CAMTA1: variants seen among roughly 807,000 people sequenced by gnomAD.
CAMTA1 encodes calmodulin-binding transcription activator 1.
Under a neutral mutation model 170.9 loss-of-function variants are expected in CAMTA1, and 27 were observed. The ratio of observed to expected loss-of-function variants is 0.16; its 90% CI spans 0.12 to 0.22. The LOEUF is 0.22. CAMTA1 is among the 10% of genes least tolerant of loss of function. The pLI, the probability that CAMTA1 is intolerant of heterozygous loss-of-function variation, is 1.00. For synonymous variants in CAMTA1, 833 were observed against 891.5 expected (o/e 0.93, Z 1.17); for missense variants, 1,619 against 2,217.2 (o/e 0.73, Z 5.42).
chr1:7,259,681 G>C (rs984478161), intron 5 of CAMTA1, among the ~76,000 whole-genome samples: 1 of 152,212 alleles, frequency 6.6e-6, no homozygotes, highest in Non-Finnish European at 1.5e-5. Flanking sequence ...TTGACTTCAA[G>C]CACCTTTAGA....
chr1:7,542,689 T>A (rs925854215), intron 6 of CAMTA1, among the ~76,000 whole-genome samples: 20 of 150,842 alleles, frequency 1.3e-4, no homozygotes, highest in African/African-American at 4.9e-4. Flanking sequence ...CCACCATACC[T>A]GGCTAATGTT....
chr1:7,687,937 A>G (rs1172327669), intron 11 of CAMTA1, among the ~76,000 whole-genome samples: 1 of 150,898 alleles, frequency 6.6e-6, no homozygotes, highest in Non-Finnish European at 1.5e-5. Flanking sequence ...GATTCACCGG[A>G]AGCCTGCCTG....
chr1:7,003,032 T>C (rs1057468956), intron 3 of CAMTA1, among the ~76,000 whole-genome samples: 1 of 152,232 alleles, frequency 6.6e-6, no homozygotes, highest in Non-Finnish European at 1.5e-5. Flanking sequence ...CTTGGCACTA[T>C]TCACATTCTG....
intron 10 of CAMTA1, among the ~76,000 whole-genome samples, chr1:7,676,617 G>C (rs1396636936): frequency 1.3e-5 from 2 of 152,202 alleles, no homozygotes; most frequent in Non-Finnish European, 1.5e-5. Flanking sequence ...TGATCCCCAC[G>C]CATGTCCTCC....
At chr1:7,230,886 G>A (rs1236153396) in intron 4 of CAMTA1, among the ~76,000 whole-genome samples, 2 of 152,108 alleles carry the variant, frequency 1.3e-5, no homozygotes, top group Non-Finnish European at 2.9e-5. Flanking sequence ...TCTTGTTGGG[G>A]GCACACAGTG....
chr1:7,154,420 A>G (rs752505487), intron 4 of CAMTA1, among the ~76,000 whole-genome samples: 24 of 152,052 alleles, frequency 1.6e-4, no homozygotes. Flanking sequence ...GTTTATCTTC[A>G]GCTCTCCAGG....
intron 3 of CAMTA1, among the ~76,000 whole-genome samples, chr1:6,949,384 G>A (rs895588009): frequency 1.3e-5 from 2 of 152,230 alleles, no homozygotes; most frequent in African/African-American, 4.8e-5. Flanking sequence ...ACATATGCAG[G>A]GGGTCCCCAT....
rs190403214 is a variant in CAMTA1 at position 7,641,116 on chromosome 1, G to A, written c.664+563G>A. Among the ~76,000 whole-genome samples the A allele has an allele frequency of 2.7e-4, 41 of 152,354 alleles. 1 individual carries two copies. The East Asian group carries it at 6.4e-3, about 24-fold the overall frequency. The stretch of plus-strand genomic sequence containing the variant: ...TGCAAATCACAGAATGCAAAACACC[G>A]AGTGAGGCAGGGAAGCTGGGGCTGC... On this transcript the variant is annotated intron_variant, in intron 7 of 22. Coordinates refer to ENST00000303635, the MANE Select transcript of CAMTA1 (RefSeq NM_015215.4). The surrounding 1 kb of genome is among the most constrained non-coding windows in gnomAD (Gnocchi z 4.5).
intron 5 of CAMTA1, among the ~76,000 whole-genome samples, chr1:7,328,463 C>G (rs2082828266): frequency 1.3e-5 from 2 of 152,084 alleles, no homozygotes; most frequent in South Asian, 4.2e-4. Flanking sequence ...TCACTGCACT[C>G]CAGCCTGGGA....
chr1:7,590,770 G>A (rs1426303104), intron 6 of CAMTA1, among the ~76,000 whole-genome samples: 1 of 152,246 alleles, frequency 6.6e-6, no homozygotes, highest in East Asian at 1.9e-4. Flanking sequence ...GGCAGTGGGT[G>A]TCAGACTCTG....
At chr1:7,045,138 A>G (rs1218049938) in intron 3 of CAMTA1, among the ~76,000 whole-genome samples, 1 of 151,976 alleles carries the variant, frequency 6.6e-6, no homozygotes, top group Admixed American at 6.6e-5. Context: ...AAATCCTCCT[A>G]AGGACCCCGA....
chr1:6,906,744 C>T (rs890257040), intron 3 of CAMTA1, among the ~76,000 whole-genome samples: 13 of 152,222 alleles, frequency 8.5e-5, no homozygotes, highest in Admixed American at 8.5e-4. Flanking sequence ...TTCCCTCCCC[C>T]TCATTTTCGA....
At chr1:7,329,779 C>G (rs1023471584) in intron 5 of CAMTA1, among the ~76,000 whole-genome samples, 2 of 152,190 alleles carry the variant, frequency 1.3e-5, no homozygotes, top group South Asian at 4.1e-4. Context: ...AATGCTAAGG[C>G]TTGCAAAACT....
At chr1:7,017,210 G>A (rs1700691138) in intron 3 of CAMTA1, among the ~76,000 whole-genome samples, 1 of 152,224 alleles carries the variant, frequency 6.6e-6, no homozygotes, top group Admixed American at 6.5e-5. Context: ...TGCCACACAT[G>A]CCTTGTGATG....
chr1:7,598,855 G>A lies in CAMTA1; in HGVS notation c.511-41545G>A, dbSNP rs567307560. The stretch of plus-strand genomic sequence containing the variant: ...TGGATATTAGCCCTTTGTCAGATGA[G>A]TAGATTGCAAAAATTTTCTCCCATT... On this transcript the variant is annotated intron_variant, in intron 6 of 22. Transcript: ENST00000303635. Among the ~76,000 whole-genome samples the A allele has an allele frequency of 4.0e-4, 61 of 152,266 alleles. 2 individuals carry two copies. Among genetic ancestry groups the A allele is most frequent in the Admixed American group, 3.3e-3 (51 of 15,286 alleles).
chr1:7,708,981 A>G (rs918482850), intron 11 of CAMTA1, among the ~76,000 whole-genome samples: 1 of 152,060 alleles, frequency 6.6e-6, no homozygotes, highest in East Asian at 1.9e-4. Context: ...GACTTTCACC[A>G]CCCCATACAT....
chr1:7,558,023 GCCATTC>G (rs1489335577), intron 6 of CAMTA1, among the ~76,000 whole-genome samples: 1 of 152,160 alleles, frequency 6.6e-6, no homozygotes, highest in African/African-American at 2.4e-5. Context: ...TCTCGCCTCT[GCCATTC>G]CCGGCATCCT....
chr1:7,331,005 C>T (rs1305224787), intron 5 of CAMTA1, among the ~76,000 whole-genome samples: 3 of 152,064 alleles, frequency 2.0e-5, no homozygotes, highest in Non-Finnish European at 4.4e-5. Context: ...TTTGGGAGGC[C>T]GAGGCGGGTG....
chr1:7,312,755 A>G (rs980598095), intron 5 of CAMTA1, among the ~76,000 whole-genome samples: 8 of 151,652 alleles, frequency 5.3e-5, no homozygotes, highest in Admixed American at 5.3e-4. Flanking sequence ...TGATGGCTTT[A>G]TTTATTTATT....
Sources: gnomAD v4.1 joint callset for allele counts (sites outside exome capture counted in the v4.1 genomes callset) on GRCh38, gnomAD v4.1.1 for gene constraint, Gnocchi (gnomAD v3.1) non-coding constraint, MANE v1.5 for transcripts, NCBI Gene and HGNC (gene_info 2026-07-23, HGNC 2026-07-21) for gene names.